DOCK2: variants seen among roughly 807,000 people sequenced by gnomAD.
DOCK2 encodes dedicator of cytokinesis 2, also known as dedicator of cytokinesis protein 2.
Under a neutral mutation model 248.9 loss-of-function variants are expected in DOCK2, and 87 were observed. The ratio of observed to expected loss-of-function variants is 0.35; its 90% confidence interval spans 0.29 to 0.42. The LOEUF (loss-of-function observed/expected upper bound fraction) is 0.42. Ranked by LOEUF, DOCK2 falls within the 10% of genes least tolerant of loss-of-function variation. The probability of loss-of-function intolerance (pLI) is 1.00; values close to 1 mark genes in which losing one functional copy is unlikely to be tolerated. For missense variants in DOCK2, 1,747 were observed against 2,300.2 expected, an observed-to-expected ratio of 0.76 and a Z score of 4.92; for synonymous variants, 805 against 821.6, an observed-to-expected ratio of 0.98 and a Z score of 0.35.
chr5:169,972,686 T>G (rs1281635078), intron 27 of DOCK2, among the ~76,000 whole-genome samples: 1 of 151,856 alleles, frequency 6.6e-6, no homozygotes, highest in Non-Finnish European at 1.5e-5. Context: ...TGGACCATCA[T>G]CATACCTGAC....
chr5:169,800,944 CT>C (rs60140740), intron 25 of DOCK2, among the ~76,000 whole-genome samples: 2,328 of 52,926 alleles, frequency 0.044, 5 homozygotes, highest in Admixed American at 0.066. Context: ...TTCTTTCTTT[CT>C]TTTTTTTTTT....
At chr5:170,048,552 G>A (rs901438224) in intron 40 of DOCK2, among the ~76,000 whole-genome samples, 2 of 152,164 alleles carry the variant, frequency 1.3e-5, no homozygotes, top group Non-Finnish European at 2.9e-5. Context: ...TTTAATGTCT[G>A]ACTTAAGAGA....
intron 27 of DOCK2, among the ~76,000 whole-genome samples, chr5:169,869,531 G>A (rs1215469968): frequency 6.6e-6 from 1 of 152,148 alleles, no homozygotes; most frequent in African/African-American, 2.4e-5. Flanking sequence ...AGGGAGGAGA[G>A]GGAGTATATT....
chr5:169,761,988 G>A (rs777995001), intron 25 of DOCK2, among the ~76,000 whole-genome samples: 14 of 152,172 alleles, frequency 9.2e-5, no homozygotes, highest in Non-Finnish European at 1.8e-4. Context: ...GAGTGTGTAA[G>A]AATAAACTGG....
intron 25 of DOCK2, among the ~76,000 whole-genome samples, chr5:169,784,498 A>G (rs1311558380): frequency 6.6e-6 from 1 of 152,238 alleles, no homozygotes; most frequent in Non-Finnish European, 1.5e-5. Flanking sequence ...TTGCAGAGTA[A>G]GCAAAACTAT....
chr5:169,881,458 T>G, intron 27 of DOCK2: 1 of 1,550,208 alleles, frequency 6.5e-7, no homozygotes, highest in Non-Finnish European at 8.7e-7. Flanking sequence ...AGACAGAGCA[T>G]TTGCTGGATA....
intron 6 of DOCK2, among the ~76,000 whole-genome samples, chr5:169,675,828 G>A (rs1379821681): frequency 2.0e-5 from 3 of 152,186 alleles, no homozygotes; most frequent in Non-Finnish European, 2.9e-5. Flanking sequence ...GGGAGGATTC[G>A]GAGAGGAAAG....
chr5:170,056,373 G>T, intron 42 of DOCK2: 1 of 244,788 alleles, frequency 4.1e-6, no homozygotes, highest in South Asian at 1.1e-4. Context: ...CAGCTCCTTT[G>T]TTGCAGATCA....
rs924287131 is a variant in DOCK2 at position 169,764,892 on chromosome 5, A to G, written c.2554+3267A>G. ...TGTTGTTTTCAATTTTTATTGCCCT[A>G]GAATGTTTTTGTAAAGGGGCCATGT... On this transcript the variant is annotated intron_variant, in intron 25 of 51. Transcript: ENST00000520908. This position sits in a 1 kb window ranked among gnomAD's most constrained non-coding sequence, Gnocchi z 4.3. Among the ~76,000 whole-genome samples, 1 of 148,524 alleles carries G rather than the reference A, an allele frequency of 6.7e-6. No individual in the cohort carries two copies. The highest frequency in any genetic ancestry group is 1.5e-5 in the Non-Finnish European group (1 of 67,888).
At chr5:170,045,700 G>A (rs1756682976) in intron 38 of DOCK2, 116 bp from the exon 39 acceptor site, 4 of 1,036,766 alleles carry the variant, frequency 3.9e-6, no homozygotes, top group Non-Finnish European at 6.0e-6. Flanking sequence ...ATCTGGGTCA[G>A]AGCAAGGTTT....
intron 26 of DOCK2, among the ~76,000 whole-genome samples, chr5:169,814,381 C>T (rs1230840985): frequency 1.3e-5 from 2 of 152,190 alleles, no homozygotes; most frequent in African/African-American, 4.8e-5. Flanking sequence ...TAGTCCTCTT[C>T]AACAGTTAAG....
intron 46 of DOCK2, among the ~76,000 whole-genome samples, chr5:170,072,723 G>A (rs2113872229): frequency 6.6e-6 from 1 of 152,322 alleles, no homozygotes; most frequent in Non-Finnish European, 1.5e-5. Context: ...TGGTGGATGT[G>A]TAATGATATC....
intron 27 of DOCK2, among the ~76,000 whole-genome samples, chr5:169,859,301 C>T (rs1561770055): frequency 6.6e-6 from 1 of 151,988 alleles, no homozygotes; most frequent in Non-Finnish European, 1.5e-5. Context: ...ATGATATGGT[C>T]CATCGAAATT....
intron 2 of DOCK2, among the ~76,000 whole-genome samples, chr5:169,657,737 C>A (rs1018010028): frequency 9.2e-5 from 14 of 152,136 alleles, no homozygotes; most frequent in African/African-American, 3.1e-4. Context: ...TCAAACAAGA[C>A]CTGGGGAAGG....
chr5:169,855,871 C>T (rs1215201116), intron 27 of DOCK2, among the ~76,000 whole-genome samples: 1 of 152,092 alleles, frequency 6.6e-6, no homozygotes, highest in African/African-American at 2.4e-5. Flanking sequence ...CTGAGACTGG[C>T]TAATTTATAA....
intron 22 of DOCK2, among the ~76,000 whole-genome samples, chr5:169,727,231 C>T (rs1762527448): frequency 6.6e-6 from 1 of 152,216 alleles, no homozygotes. Flanking sequence ...CTTGGCCCTG[C>T]ATTGCTTTTT....
chr5:169,728,563 T>C (rs1762607379), intron 22 of DOCK2, among the ~76,000 whole-genome samples: 1 of 152,066 alleles, frequency 6.6e-6, no homozygotes, highest in East Asian at 1.9e-4. Context: ...AGGGAGATCA[T>C]GGGACTGGAA....
At chr5:169,745,259 C>T (rs1428771887) in intron 22 of DOCK2, among the ~76,000 whole-genome samples, 1 of 152,178 alleles carries the variant, frequency 6.6e-6, no homozygotes, top group Admixed American at 6.5e-5. Flanking sequence ...ACTCTGGTCC[C>T]ATCTTTTCTA....
chr5:169,810,824 A>G (rs577107326), intron 26 of DOCK2, among the ~76,000 whole-genome samples: 7 of 152,116 alleles, frequency 4.6e-5, no homozygotes, highest in African/African-American at 9.7e-5. Flanking sequence ...ATGGACTCCT[A>G]TGATTTTATT....
Sources: gnomAD v4.1 joint callset for allele counts (sites outside exome capture counted in the v4.1 genomes callset) on GRCh38, gnomAD v4.1.1 for gene constraint, Gnocchi (gnomAD v3.1) non-coding constraint, MANE v1.5 for transcripts, NCBI Gene and HGNC (gene_info 2026-07-23, HGNC 2026-07-21) for gene names.